ANTXR1: variants seen among roughly 807,000 people sequenced by gnomAD.
ANTXR1 encodes anthrax toxin receptor 1.
A neutral mutation model predicts 78.1 loss-of-function variants in ANTXR1; 19 were observed. That is an observed-to-expected ratio of 0.24 (90% confidence interval 0.17 to 0.36). The LOEUF (loss-of-function observed/expected upper bound fraction) is 0.36. Ranked by LOEUF, ANTXR1 falls within the 10% of genes least tolerant of loss-of-function variation. The probability of loss-of-function intolerance (pLI) is 1.00; values close to 1 mark genes in which losing one functional copy is unlikely to be tolerated. For synonymous variants in ANTXR1, 273 were observed against 260.5 expected (o/e 1.05, Z -0.46); for missense variants, 518 against 718.6 (o/e 0.72, Z 3.19).
intron 17 of ANTXR1, among the ~76,000 whole-genome samples, chr2:69,196,918 CAG>C (rs1674678528): frequency 6.6e-6 from 1 of 152,186 alleles, no homozygotes; most frequent in Non-Finnish European, 1.5e-5. Flanking sequence ...AGCCCACCAA[CAG>C]AGCCTCTGAG....
chr2:69,137,940 C>A (rs1395392637), intron 12 of ANTXR1, among the ~76,000 whole-genome samples: 1 of 151,496 alleles, frequency 6.6e-6, no homozygotes, highest in Non-Finnish European at 1.5e-5. Context: ...AAAAATTAGC[C>A]AGGTGTGGTA....
In ANTXR1 at chr2:69,075,621, T is replaced by C; in HGVS notation, c.524T>C (p.Val175Ala). Residue 175 changes from valine (V) to alanine (A), a missense_variant, in exon 7 of 18, where the codon GTT becomes GCT. By Grantham distance (64) the Val-to-Ala change is moderately conservative. Transcript: ENST00000303714. ...ANRSRDLGAI[V>A]YCVGVKDFNE... ...AGGTCTCGAGATCTTGGTGCAATTG[T>C]TTACTGTGTTGGTGTGAAAGATTTC... 6.2e-7 allele frequency: 1 copy of C among 1,614,182 alleles called. No individual in the cohort carries two copies. The highest frequency in any genetic ancestry group is 8.5e-7 in the Non-Finnish European group (1 of 1,180,008).
intron 17 of ANTXR1, among the ~76,000 whole-genome samples, chr2:69,221,577 G>C (rs1180968964): frequency 1.3e-5 from 2 of 151,966 alleles, no homozygotes; most frequent in Admixed American, 6.6e-5. Context: ...GGTGACCCTG[G>C]AGTCACTGGA....
chr2:69,014,160 T>C (rs1048643229), intron 1 of ANTXR1, among the ~76,000 whole-genome samples: 1 of 152,204 alleles, frequency 6.6e-6, no homozygotes, highest in Non-Finnish European at 1.5e-5. Flanking sequence ...AATGCATACT[T>C]CTCACCGGGC....
intron 17 of ANTXR1, among the ~76,000 whole-genome samples, chr2:69,217,936 G>A (rs1438852389): frequency 6.6e-6 from 1 of 152,194 alleles, no homozygotes; most frequent in Non-Finnish European, 1.5e-5. Flanking sequence ...AGGCCCTACT[G>A]GACTGGCCCC....
intron 14 of ANTXR1, among the ~76,000 whole-genome samples, chr2:69,179,746 C>T (rs1674228170): frequency 6.6e-6 from 1 of 152,138 alleles, no homozygotes; most frequent in Admixed American, 6.5e-5. Context: ...TCTCTATTCT[C>T]GTTCTCTAAA....
In ANTXR1 at chr2:69,248,897, TTTC is replaced by T. The variant is rs926916580; in HGVS notation, c.*3415_*3417del. On this transcript the variant is annotated 3_prime_UTR_variant, in exon 18 of 18. Transcript: ENST00000303714. The stretch of plus-strand genomic sequence containing the variant: ...AATGGAGTGTTCTAACCAATTGCCT[TTTC>T]TTGTTATCTGAGCTCTCCTATATTA... 5.0e-5 allele frequency: 7 copies of T among 139,860 alleles called. No individual in the cohort carries two copies. The highest frequency in any genetic ancestry group is 2.3e-4 in the African/African-American group (7 of 29,862). The allele number at this position is 139,860 out of a possible 1,614,324, so 8.7% of individuals were successfully genotyped here. A position where few individuals can be genotyped will look rare whatever the true frequency, so the allele number is the denominator to read the frequency against.
At chr2:69,071,732 G>A in intron 4 of ANTXR1, 22 bp from the exon 5 acceptor site, 1 of 1,613,602 alleles carries the variant, frequency 6.2e-7, no homozygotes, top group Non-Finnish European at 8.5e-7. Context: ...TAAGTCTAAG[G>A]GCTCTTTCAT....
At chr2:69,164,556 C>T (rs775641050) in intron 13 of ANTXR1, among the ~76,000 whole-genome samples, 10 of 151,996 alleles carry the variant, frequency 6.6e-5, no homozygotes, top group African/African-American at 1.9e-4. Context: ...CAGTCCAGTG[C>T]GGAAGACAGA....
intron 17 of ANTXR1, among the ~76,000 whole-genome samples, chr2:69,212,819 C>CT (rs34223391): frequency 0.064 from 9,707 of 151,916 alleles, 759 homozygotes; most frequent in East Asian, 0.37. Context: ...GCCTAGCTAA[C>CT]TTTTTTTAAC....
chr2:69,067,095 C>T (rs1353435817), intron 3 of ANTXR1, among the ~76,000 whole-genome samples: 2 of 152,018 alleles, frequency 1.3e-5, no homozygotes, highest in Non-Finnish European at 2.9e-5. Context: ...CCTATGAAAC[C>T]ATCCATTTTG....
At position 69,248,152 on chromosome 2, in the gene ANTXR1, G is replaced by C. The variant is rs983081117; in HGVS notation, c.*2667G>C. On this transcript the variant is annotated 3_prime_UTR_variant, in exon 18 of 18. Coordinates refer to ENST00000303714, the MANE Select transcript of ANTXR1 (RefSeq NM_032208.3). ...TAAAAGGCAGGAGACATGTGATTAT[G>C]ATCAGGAAACTGCACAAAATTATTG... The C allele has an allele frequency of 5.4e-5, 9 of 166,658 alleles. No individual in the cohort carries two copies. Among genetic ancestry groups the C allele is most frequent in the Non-Finnish European group, 1.5e-5 (1 of 68,090 alleles). The allele number at this position is 166,658 out of a possible 1,614,324, so 10.3% of individuals were successfully genotyped here. A position where few individuals can be genotyped will look rare whatever the true frequency, so the allele number is the denominator to read the frequency against.
At chr2:69,044,691 G>C in intron 2 of ANTXR1, 51 bp from the exon 3 acceptor site, 1 of 1,573,134 alleles carries the variant, frequency 6.4e-7, no homozygotes. Flanking sequence ...TGAAGGGAGT[G>C]GCATGCGCAG....
intron 1 of ANTXR1, among the ~76,000 whole-genome samples, chr2:69,032,111 A>G (rs1185304243): frequency 6.6e-6 from 1 of 152,272 alleles, no homozygotes; most frequent in Non-Finnish European, 1.5e-5. Context: ...ATAAAGTTAT[A>G]ATTGTACAAG....
chr2:69,104,372 A>T (rs1671737186), intron 10 of ANTXR1, among the ~76,000 whole-genome samples: 1 of 152,206 alleles, frequency 6.6e-6, no homozygotes, highest in Non-Finnish European at 1.5e-5. Flanking sequence ...CCTCACAAAC[A>T]TCTGGAATTC....
rs1670770084 is a variant in ANTXR1, at chr2:69,077,482, C to T, written c.636C>T (p.Ile212=). The change falls in exon 8 of 18, where the codon ATC becomes ATT. Residue 212 remains isoleucine (I), a synonymous_variant. Coordinates refer to ENST00000303714, the MANE Select transcript of ANTXR1 (RefSeq NM_032208.3). Reference sequence around the variant, plus strand: ...GCTTTCAGGCTCTGCAAGGCATCATCCACTCAGTAAGTAGAGCTCTTCCTC... The same window carrying T: ...GCTTTCAGGCTCTGCAAGGCATCATTCACTCAGTAAGTAGAGCTCTTCCTC... ...NDGFQALQGI[I]HSILKKSCIE... is the part of the protein sequence containing the mutation. 1 of 1,613,976 alleles carries T rather than the reference C, an allele frequency of 6.2e-7. No homozygotes were observed. The highest frequency in any genetic ancestry group is 1.3e-5 in the African/African-American group (1 of 74,898).
rs1453620493 is a variant in ANTXR1 at position 69,073,041 on chromosome 2, C to T, written c.432C>T (p.Val144=). The change falls in exon 6 of 18, where the codon GTC becomes GTT. Residue 144 remains valine, a synonymous_variant. Coordinates refer to ENST00000303714, the MANE Select transcript of ANTXR1 (RefSeq NM_032208.3). ...AAACAGGGTACAGGACAGCCAGCGTCATCATTGCTTTGACTGATGGAGAAC... is the reference window on the plus strand; with the variant it reads ...AAACAGGGTACAGGACAGCCAGCGTTATCATTGCTTTGACTGATGGAGAAC... ...ENRQGYRTAS[V]IIALTDGELH... 3.1e-6 allele frequency: 5 copies of T among 1,613,942 alleles called. No homozygotes were observed. The highest frequency in any genetic ancestry group is 4.2e-6 in the Non-Finnish European group (5 of 1,179,928).
At position 69,147,968 on chromosome 2, in the gene ANTXR1, C is replaced by T. The variant is rs187600755; in HGVS notation, c.952-4201C>T. Among the ~76,000 whole-genome samples the T allele has an allele frequency of 1.5e-3, 235 of 152,302 alleles. 1 individual carries two copies. Among genetic ancestry groups the T allele is most frequent in the African/African-American group, 5.0e-3 (209 of 41,558 alleles). Reference sequence around the variant, plus strand: ...TTGGACACAGCCGTAAAAATGCAGGCGTTTCAAGAGTGACCTCGGGAAATG... The same window carrying T: ...TTGGACACAGCCGTAAAAATGCAGGTGTTTCAAGAGTGACCTCGGGAAATG... On this transcript the variant is annotated intron_variant, in intron 12 of 17. Coordinates refer to ENST00000303714, the MANE Select transcript of ANTXR1 (RefSeq NM_032208.3).
intron 8 of ANTXR1, among the ~76,000 whole-genome samples, chr2:69,087,906 T>C (rs2104272818): frequency 6.6e-6 from 1 of 152,310 alleles, no homozygotes; most frequent in South Asian, 2.1e-4. Context: ...CCATTGTGAC[T>C]TCCTACCTTT....
Sources: allele counts gnomAD v4.1 joint callset (sites outside exome capture counted in the v4.1 genomes callset), GRCh38; gene constraint gnomAD v4.1.1; transcripts MANE v1.5; gene names NCBI Gene and HGNC (gene_info 2026-07-23, HGNC 2026-07-21).